The following TMEM165 variants were observed in gnomAD, a reference collection of about 807,000 sequenced individuals.
The protein encoded by TMEM165 is transmembrane protein 165, also known as putative divalent cation/proton antiporter TMEM165.
A neutral mutation model predicts 30.0 loss-of-function variants in TMEM165; 19 were observed. The observed-to-expected ratio is 0.63, with a 90% CI of 0.44 to 0.93. The LOEUF is 0.93. Ranked by LOEUF, TMEM165 falls within the 40% of genes least tolerant of loss-of-function variation. TMEM165 has a pLI of 0.00. For synonymous variants in TMEM165, 168 were observed against 162.9 expected (o/e 1.03, Z -0.24); for missense variants, 340 against 417.0 (o/e 0.82, Z 1.61).
chr4:55,402,906 G>A (rs1032624871), intron 1 of TMEM165, among the ~76,000 whole-genome samples: 14 of 141,308 alleles, frequency 9.9e-5, no homozygotes, highest in African/African-American at 2.7e-4. Context: ...ATTCTCCTGC[G>A]TCAGCCTCCC....
rs7660517 is a variant in TMEM165, at chr4:55,425,361, T to C, written c.899-15T>C. ...GGAATTTTACTGTATTTGACTTTTT[T>C]TCTCTCTCTTCCAGTGACAATCATA... On this transcript the variant is annotated splice_polypyrimidine_tract_variant and intron_variant, in intron 5 of 5. Coordinates refer to ENST00000381334, the MANE Select transcript of TMEM165 (RefSeq NM_018475.5). 0.37 allele frequency: 599,966 copies of C among 1,600,102 alleles called. 116,716 individuals carry two copies. The highest frequency in any genetic ancestry group is 0.61 in the East Asian group (27,102 of 44,666).
In TMEM165 at chr4:55,417,104, A is replaced by T. The variant is rs1177862934; in HGVS notation, c.466A>T (p.Arg156Trp). The T allele has an allele frequency of 6.2e-7, 1 of 1,608,922 alleles. No homozygotes were observed. The highest frequency in any genetic ancestry group is 1.1e-5 in the South Asian group (1 of 89,796). The change falls in exon 3 of 6, where the codon AGG becomes TGG. Residue 156 changes from arginine (R) to tryptophan (W), a missense_variant. Physicochemically the swap from Arg to Trp is moderately radical, Grantham distance 101 (BLOSUM62 -3). Coordinates refer to ENST00000381334, the MANE Select transcript of TMEM165 (RefSeq NM_018475.5). ...LFGYATTVIPRVYTYYVSTVL... is the reference protein window; with the variant it reads ...LFGYATTVIPWVYTYYVSTVL... ...TGGCTATGCCACCACAGTCATCCCC[A>T]GGGTCTATACATACTATGTTTCAAC... is the stretch of plus-strand genomic sequence containing the variant.
At chr4:55,433,922 AT>A (rs1438661709) in intron 3 of TMEM165, 1 of 152,178 alleles carries the variant, frequency 6.6e-6, no homozygotes, top group Non-Finnish European at 1.5e-5. Flanking sequence ...TATTGAGCAA[AT>A]ATTTCTGGTA....
chr4:55,424,648 G>C lies in TMEM165; in HGVS notation c.898+5G>C. ...AGAAAATCTCTGTCAGAACTGGTAA[G>C]TCTTGAAAATTACAAATCAGATAAC... On this transcript the variant is annotated splice_donor_5th_base_variant and intron_variant, in intron 5 of 5. Transcript: ENST00000381334. The C allele has an allele frequency of 6.4e-7, 1 of 1,555,122 alleles. No individual in the cohort carries two copies. The highest frequency in any genetic ancestry group is 8.9e-7 in the Non-Finnish European group (1 of 1,126,260).
At chr4:55,398,152 A>G (rs149393702) in intron 1 of TMEM165, among the ~76,000 whole-genome samples, 1 of 152,358 alleles carries the variant, frequency 6.6e-6, no homozygotes, top group African/African-American at 2.4e-5. Context: ...TGGTTTCACT[A>G]AGCAAGAACA....
At chr4:55,447,640 T>C (rs960538223) in intron 3 of TMEM165, among the ~76,000 whole-genome samples, 2 of 152,182 alleles carry the variant, frequency 1.3e-5, no homozygotes, top group East Asian at 1.9e-4. Context: ...CTTTATTTCA[T>C]GAAAATATCC....
At chr4:55,409,937 A>G (rs1053951128) in intron 1 of TMEM165, among the ~76,000 whole-genome samples, 1 of 152,076 alleles carries the variant, frequency 6.6e-6, no homozygotes, top group South Asian at 2.1e-4. Flanking sequence ...AACTTTCCCA[A>G]TTATTGGAAC....
chr4:55,436,565 T>G lies in TMEM165; in HGVS notation c.408+11922T>G, dbSNP rs972975931. 3.9e-5 allele frequency among the ~76,000 whole-genome samples: 6 copies of G among 152,202 alleles called. No homozygotes were observed. The East Asian group carries it at 7.7e-4, about 20-fold the overall frequency. On this transcript the variant is annotated intron_variant, in intron 3 of 3. Transcript: ENST00000608091. ...AGGGTTCTTAATTTCAAAATGGAGC[T>G]GTGGTGGGCAATTTTTGCAAATGTA...
At chr4:55,433,219 A>C (rs1577657628) in intron 3 of TMEM165, 1 of 152,746 alleles carries the variant, frequency 6.5e-6, no homozygotes, top group African/African-American at 2.4e-5. Flanking sequence ...ACATATTCTG[A>C]CAACTATTCT....
intron 2 of TMEM165, chr4:55,416,137 G>T (rs140739702): frequency 6.6e-6 from 1 of 152,338 alleles, no homozygotes; most frequent in East Asian, 1.9e-4. Context: ...TTACAGGCAT[G>T]AGCCACCGTG....
rs144401774 is a variant in TMEM165, at chr4:55,439,517, A to T, written c.409-12722A>T. 1.5e-3 allele frequency among the ~76,000 whole-genome samples: 229 copies of T among 152,138 alleles called. 1 individual carries two copies. The highest frequency in any genetic ancestry group is 4.8e-3 in the African/African-American group (201 of 41,514). Reference sequence around the variant, plus strand: ...AAGGAATTCCACTTCTGCTTATATAACCCCCCAAAATGAAAGCAGGGACTC... The same window carrying T: ...AAGGAATTCCACTTCTGCTTATATATCCCCCCAAAATGAAAGCAGGGACTC... On this transcript the variant is annotated intron_variant, in intron 3 of 3. Coordinates refer to the TMEM165 transcript ENST00000608091.
intron 2 of TMEM165, among the ~76,000 whole-genome samples, chr4:55,413,839 TATAC>T (rs549610321): frequency 6.6e-5 from 10 of 152,370 alleles, no homozygotes; most frequent in Non-Finnish European, 1.3e-4. Context: ...AGTGTGTACA[TATAC>T]ATACATTATT....
At chr4:55,408,597 T>A (rs491381) in intron 1 of TMEM165, among the ~76,000 whole-genome samples, 108,345 of 152,116 alleles carry the variant, frequency 0.71, 40,851 homozygotes, top group East Asian at 0.98. Flanking sequence ...ATTGATCAAA[T>A]TGTCATCATG....
At chr4:55,443,119 A>G in intron 3 of TMEM165, among the ~76,000 whole-genome samples, 1 of 152,186 alleles carries the variant, frequency 6.6e-6, no homozygotes, top group East Asian at 1.9e-4. Context: ...AAACACAGAA[A>G]TAGTCTAAGT....
At chr4:55,415,444 A>C (rs1340954212) in intron 2 of TMEM165, 1 of 151,842 alleles carries the variant, frequency 6.6e-6, no homozygotes, top group Non-Finnish European at 1.5e-5. Flanking sequence ...TGCTCTGCCC[A>C]GTCCTGGAAC....
chr4:55,426,032 A>G lies in TMEM165; in HGVS notation c.*580A>G, dbSNP rs891882655. 2 of 151,984 alleles carry G rather than the reference A, an allele frequency of 1.3e-5. No homozygotes were observed. Among genetic ancestry groups the G allele is most frequent in the African/African-American group, 4.8e-5 (2 of 41,388 alleles). The allele number at this position is 151,984 out of a possible 1,614,324, so 9.4% of individuals were successfully genotyped here. On this transcript the variant is annotated 3_prime_UTR_variant, in exon 6 of 6. Coordinates refer to ENST00000381334, the MANE Select transcript of TMEM165 (RefSeq NM_018475.5). ...CCTCTTTTTTTTTTAATTGGGTAGG[A>G]CACCCAATATAAAAACAGTCAATAT...
chr4:55,428,361 G>A (rs1304010041), downstream of TMEM165: 1 of 152,096 alleles, frequency 6.6e-6, no homozygotes, highest in East Asian at 1.9e-4. Flanking sequence ...GTAACAAAAC[G>A]ATCCACATTT....
At chr4:55,403,776 G>A (rs1429852845) in intron 1 of TMEM165, among the ~76,000 whole-genome samples, 19 of 152,078 alleles carry the variant, frequency 1.2e-4, no homozygotes, top group Non-Finnish European at 2.9e-5. Context: ...ATGCATCCAA[G>A]TATATTCTTC....
chr4:55,443,638 C>T, intron 3 of TMEM165: 2 of 1,396,660 alleles, frequency 1.4e-6, no homozygotes, highest in Admixed American at 1.7e-5. Flanking sequence ...CAATAGTGTG[C>T]CTTCCAACCA....
Sources: gnomAD v4.1 joint callset for allele counts (sites outside exome capture counted in the v4.1 genomes callset) on GRCh38, gnomAD v4.1.1 for gene constraint, MANE v1.5 for transcripts, NCBI Gene and HGNC (gene_info 2026-07-23, HGNC 2026-07-21) for gene names.